POGLUT1: variants seen among roughly 807,000 people sequenced by gnomAD.
POGLUT1 encodes protein O-glucosyltransferase 1.
POGLUT1 carries 32 observed loss-of-function variants against 61.3 expected under a neutral mutation model. That is an observed-to-expected ratio of 0.52 (90% confidence interval 0.39 to 0.70). The LOEUF (loss-of-function observed/expected upper bound fraction) is 0.70. Among genes scored for constraint, POGLUT1 ranks in the 30% least tolerant of loss-of-function variants. The pLI is 0.00. For missense variants in POGLUT1, 411 were observed against 469.8 expected (o/e 0.87, Z 1.16); for synonymous variants, 158 against 158.2 (o/e 1.00, Z 0.01).
At chr3:119,483,123 A>C (rs1445428709) in intron 5 of POGLUT1, among the ~76,000 whole-genome samples, 2 of 152,234 alleles carry the variant, frequency 1.3e-5, no homozygotes, top group Non-Finnish European at 2.9e-5. Context: ...TATGTATCAA[A>C]ATTGGAAATG....
intron 7 of POGLUT1, chr3:119,487,967 C>T (rs1311892859): frequency 6.6e-6 from 1 of 152,228 alleles, no homozygotes; most frequent in Admixed American, 6.5e-5. Context: ...AGTCCACTCT[C>T]TCCTCTTAAC....
At chr3:119,479,786 C>G (rs2081584767) in intron 4 of POGLUT1, 8 of 566,480 alleles carry the variant, frequency 1.4e-5, no homozygotes, top group Middle Eastern at 5.6e-4. Flanking sequence ...AGTATATATC[C>G]TCTAGAAAAA....
intron 1 of POGLUT1, chr3:119,469,407 T>TGAGG: frequency 1.8e-6 from 1 of 565,288 alleles, no homozygotes; most frequent in Non-Finnish European, 3.2e-6. Flanking sequence ...CCTGAAACAC[T>TGAGG]GAGGGGTCGG....
In POGLUT1 at chr3:119,471,156, G is replaced by A. The variant is rs549165956; in HGVS notation, c.177-153G>A. Among the ~76,000 whole-genome samples, 134 of 152,224 alleles carry A rather than the reference G, an allele frequency of 8.8e-4. 1 individual carries two copies. The highest frequency in any genetic ancestry group is 1.5e-3 in the Non-Finnish European group (105 of 68,044). The stretch of plus-strand genomic sequence containing the variant: ...CATTTGATGTTTCAGATTACCTACA[G>A]GGCTTCTAGGGAAGAGCTGCTCATT... On this transcript the variant is annotated intron_variant, in intron 2 of 10. Transcript: ENST00000295588.
Position 119,490,625 on chromosome 3 carries a change from T to A in POGLUT1, c.872T>A (p.Phe291Tyr). ...CTCTTCCTGTGTGGCTCACTTGTTT[T>A]CCATGTTGGTGATGAGTGGCTAGAA... Reference protein sequence around the residue: ...KHLFLCGSLVFHVGDEWLEFF... With the variant: ...KHLFLCGSLVYHVGDEWLEFF... The change falls in exon 9 of 11, where the codon TTC (phenylalanine) becomes TAC (tyrosine). Residue 291 changes from phenylalanine (F) to tyrosine (Y), a missense_variant. By Grantham distance (22) the Phe-to-Tyr change is conservative. Coordinates refer to ENST00000295588, the MANE Select transcript of POGLUT1 (RefSeq NM_152305.3). 1 of 1,614,172 alleles carries A rather than the reference T, an allele frequency of 6.2e-7. No homozygotes were observed. The highest frequency in any genetic ancestry group is 1.3e-5 in the African/African-American group (1 of 75,052).
rs538943285 is a variant in POGLUT1, at chr3:119,478,209, A to G, written c.456+761A>G. On this transcript the variant is annotated intron_variant, in intron 4 of 10. Transcript: ENST00000295588. ...GAGTGGATGGAAGATTCTATGGGGT[A>G]AGAGTGAATTGAGGAAAACCCCATG... is the stretch of plus-strand genomic sequence containing the variant. 3 of 388,272 alleles carry G rather than the reference A, an allele frequency of 7.7e-6. No homozygotes were observed. The East Asian group carries it at 2.2e-4, about 28-fold the overall frequency. 24.1% of individuals were successfully genotyped at this position (388,272 alleles called of 1,614,324 possible).
intron 3 of POGLUT1, among the ~76,000 whole-genome samples, chr3:119,476,191 C>A (rs1486425767): frequency 6.6e-6 from 1 of 152,096 alleles, no homozygotes; most frequent in Admixed American, 6.6e-5. Context: ...AAAGAGAAAT[C>A]TTGGTAAATA....
chr3:119,488,749 C>A, intron 7 of POGLUT1, 180 bp from the exon 8 acceptor site: 1 of 401,904 alleles, frequency 2.5e-6, no homozygotes, highest in East Asian at 3.6e-5. Flanking sequence ...TTGAGCAAAT[C>A]TCAACTTCCA....
chr3:119,469,734 G>C (rs2081447009), intron 1 of POGLUT1, 86 bp from the exon 2 acceptor site: 1 of 697,256 alleles, frequency 1.4e-6, no homozygotes. Context: ...TGAAAGTTTT[G>C]GTCTTCTGTT....
At chr3:119,470,213 A>G (rs562513006) in intron 2 of POGLUT1, among the ~76,000 whole-genome samples, 31 of 152,214 alleles carry the variant, frequency 2.0e-4, no homozygotes, top group African/African-American at 7.5e-4. Context: ...TGCTCGATAA[A>G]TATTGTTGAG....
At chr3:119,470,685 C>T (rs775844343) in intron 2 of POGLUT1, among the ~76,000 whole-genome samples, 14 of 152,152 alleles carry the variant, frequency 9.2e-5, no homozygotes, top group Non-Finnish European at 1.8e-4. Flanking sequence ...ACCCCTGTGC[C>T]GAGCCACTTC....
At chr3:119,474,367 C>A (rs539483687) in intron 3 of POGLUT1, among the ~76,000 whole-genome samples, 7 of 152,208 alleles carry the variant, frequency 4.6e-5, no homozygotes, top group Admixed American at 1.3e-4. Context: ...AGATAATGAA[C>A]CTTCCATCAC....
rs374081443 is a variant in POGLUT1 at position 119,469,773 on chromosome 3, A to C, written c.86-47A>C. ...TCTGTTGGTGTGGTGTCAGCAAATAACATTCAGGAAAATTTTTTTAACTCT... is the reference window on the plus strand; with the variant it reads ...TCTGTTGGTGTGGTGTCAGCAAATACCATTCAGGAAAATTTTTTTAACTCT... On this transcript the variant is annotated intron_variant, in intron 1 of 10. Transcript: ENST00000295588. 241 of 982,734 alleles carry C rather than the reference A, an allele frequency of 2.5e-4. No individual in the cohort carries two copies. In the African/African-American group the frequency reaches 3.5e-3, roughly 14 times the overall value. The allele number at this position is 982,734 out of a possible 1,614,324, so 60.9% of individuals were successfully genotyped here.
rs924313936 is a variant in POGLUT1, at chr3:119,494,381, A to T, written c.*1943A>T. On this transcript the variant is annotated 3_prime_UTR_variant, in exon 11 of 11. Coordinates refer to ENST00000295588, the MANE Select transcript of POGLUT1 (RefSeq NM_152305.3). ...TGGCTCCAAAGGATGAGTAGATAAG[A>T]CCATAAGAATTGGATCAATGTAAAT... 1 of 152,638 alleles carries T rather than the reference A, an allele frequency of 6.6e-6. No individual in the cohort carries two copies. Among genetic ancestry groups the T allele is most frequent in the Non-Finnish European group, 1.5e-5 (1 of 68,040 alleles). The allele number at this position is 152,638 out of a possible 1,614,324, so 9.5% of individuals were successfully genotyped here.
At chr3:119,471,173 C>A in intron 2 of POGLUT1, 136 bp from the exon 3 acceptor site, 1 of 735,712 alleles carries the variant, frequency 1.4e-6, no homozygotes, top group Non-Finnish European at 2.3e-6. Flanking sequence ...TAGGGAAGAG[C>A]TGCTCATTCT....
At chr3:119,472,712 CTAAA>C (rs59465834) in intron 3 of POGLUT1, among the ~76,000 whole-genome samples, 4 of 151,138 alleles carry the variant, frequency 2.6e-5, no homozygotes, top group East Asian at 2.0e-4. Context: ...GCGAAACTGT[CTAAA>C]TAAATAAATA....
intron 6 of POGLUT1, 74 bp downstream of exon 6, chr3:119,485,461 A>G: frequency 2.1e-6 from 2 of 962,508 alleles, no homozygotes; most frequent in East Asian, 4.9e-5. Flanking sequence ...TGAGGGTATG[A>G]CAAGCTCTGT....
chr3:119,492,993 G>A lies in POGLUT1; in HGVS notation c.*555G>A, dbSNP rs1467413338. 5 of 152,564 alleles carry A rather than the reference G, an allele frequency of 3.3e-5. No homozygotes were observed. The highest frequency in any genetic ancestry group is 7.2e-5 in the African/African-American group (3 of 41,434). 9.5% of individuals were successfully genotyped at this position (152,564 alleles called of 1,614,324 possible). On this transcript the variant is annotated 3_prime_UTR_variant, in exon 11 of 11. Coordinates refer to ENST00000295588, the MANE Select transcript of POGLUT1 (RefSeq NM_152305.3). ...GTAGCCATGCCATGCAATGATGTAG[G>A]AGTTCTCTTTTGTAAAACCATAAAC... is the stretch of plus-strand genomic sequence containing the variant.
chr3:119,490,208 T>G (rs1263298660), intron 8 of POGLUT1: 1 of 199,492 alleles, frequency 5.0e-6, no homozygotes, highest in Non-Finnish European at 1.0e-5. Flanking sequence ...GAACATTTAT[T>G]TTCTCAGATA....
Sources: allele counts gnomAD v4.1 joint callset (sites outside exome capture counted in the v4.1 genomes callset), GRCh38; gene constraint gnomAD v4.1.1; transcripts MANE v1.5; gene names NCBI Gene and HGNC (gene_info 2026-07-23, HGNC 2026-07-21).